Variants in EPB41L3 observed in about 807,000 individuals in gnomAD.
The protein encoded by EPB41L3 is erythrocyte membrane protein band 4.1 like 3.
In EPB41L3, 57 loss-of-function variants were observed where a neutral mutation model predicts 127.1. That is an observed-to-expected ratio of 0.45 (90% CI 0.36 to 0.56). The LOEUF is 0.56. Ranked by LOEUF, EPB41L3 falls within the 20% of genes least tolerant of loss-of-function variation. EPB41L3 has a pLI of 0.00. For synonymous variants in EPB41L3, 572 were observed against 549.5 expected, an observed-to-expected ratio of 1.04 and a Z score of -0.57; for missense variants, 1,273 against 1,372.2, an observed-to-expected ratio of 0.93 and a Z score of 1.14.
At chr18:5,423,647 C>T (rs939790091) in intron 10 of EPB41L3, 94 bp from the exon 11 acceptor site, 4 of 1,133,622 alleles carry the variant, frequency 3.5e-6, no homozygotes, top group Non-Finnish European at 4.9e-6. Context: ...ATGTGTTTTG[C>T]ATGCTAAACA....
chr18:5,527,300 G>A (rs2093259703), intron 1 of EPB41L3, among the ~76,000 whole-genome samples: 1 of 152,100 alleles, frequency 6.6e-6, no homozygotes, highest in South Asian at 2.1e-4. Flanking sequence ...AGTCAGCACA[G>A]GCAAGCTCTT....
chr18:5,472,809 C>CAGGCAGAGTATT (rs1281558289), intron 3 of EPB41L3, among the ~76,000 whole-genome samples: 1 of 152,184 alleles, frequency 6.6e-6, no homozygotes, highest in African/African-American at 2.4e-5. Context: ...AACTGAATCA[C>CAGGCAGAGTATT]AGGCAAGACA....
chr18:5,510,534 A>C (rs2092458586), intron 1 of EPB41L3, among the ~76,000 whole-genome samples: 1 of 152,204 alleles, frequency 6.6e-6, no homozygotes, highest in East Asian at 1.9e-4. Flanking sequence ...ATCAGAACAA[A>C]CCAGTAGTTC....
intron 13 of EPB41L3, among the ~76,000 whole-genome samples, chr18:5,411,996 G>C (rs965343630): frequency 6.6e-6 from 1 of 152,096 alleles, no homozygotes; most frequent in Non-Finnish European, 1.5e-5. Flanking sequence ...TGACCTGACC[G>C]GCTTGGTTAA....
intron 1 of EPB41L3, among the ~76,000 whole-genome samples, chr18:5,533,891 G>A (rs1200735333): frequency 1.3e-5 from 2 of 152,180 alleles, no homozygotes; most frequent in African/African-American, 2.4e-5. Flanking sequence ...AAGGCCGGGC[G>A]CCGTGGCTGA....
chr18:5,582,585 G>A (rs182377085), intron 3 of EPB41L3, among the ~76,000 whole-genome samples: 50 of 152,214 alleles, frequency 3.3e-4, no homozygotes, highest in Admixed American at 4.6e-4. Context: ...AATGAAACTT[G>A]GTATTTTTTA....
chr18:5,588,114 A>G (rs1462279703), intron 3 of EPB41L3, among the ~76,000 whole-genome samples: 1 of 152,192 alleles, frequency 6.6e-6, no homozygotes, highest in Non-Finnish European at 1.5e-5. Flanking sequence ...AATTAAAATA[A>G]TAAATCTAAC....
intron 3 of EPB41L3, among the ~76,000 whole-genome samples, chr18:5,569,922 CTATT>C (rs1210714602): frequency 1.3e-5 from 2 of 152,230 alleles, no homozygotes; most frequent in South Asian, 2.1e-4. Flanking sequence ...TAAATGTTAG[CTATT>C]TATGTATCAA....
chr18:5,607,192 C>T (rs982659786), intron 3 of EPB41L3, among the ~76,000 whole-genome samples: 7 of 152,194 alleles, frequency 4.6e-5, no homozygotes, highest in Admixed American at 2.6e-4. Flanking sequence ...AAAGCAAGAG[C>T]GAGGCATGGT....
At position 5,447,361 on chromosome 18, in the gene EPB41L3, GGT is replaced by G. The variant is rs759344207; in HGVS notation, c.382-2119_382-2118del. On this transcript the variant is annotated intron_variant, in intron 3 of 22. Transcript: ENST00000341928. ...TAGGAGCACATATCCAACTCCTGGTGGTGCCAATAAGCAGCTTTATAATTAAC... is the reference window on the plus strand; with the variant it reads ...TAGGAGCACATATCCAACTCCTGGTGGCCAATAAGCAGCTTTATAATTAAC... Among the ~76,000 whole-genome samples, 52 of 151,604 alleles carry G rather than the reference GGT, an allele frequency of 3.4e-4. 1 individual carries two copies. The highest frequency in any genetic ancestry group is 2.0e-4 in the Admixed American group (3 of 15,208).
At chr18:5,598,724 A>G (rs1250638464) in intron 3 of EPB41L3, among the ~76,000 whole-genome samples, 1 of 152,196 alleles carries the variant, frequency 6.6e-6, no homozygotes, top group African/African-American at 2.4e-5. Context: ...AGAGGCAGAA[A>G]AGCAGATGTC....
At chr18:5,473,336 C>T (rs2038685902) in intron 3 of EPB41L3, among the ~76,000 whole-genome samples, 1 of 151,972 alleles carries the variant, frequency 6.6e-6, no homozygotes, top group Admixed American at 6.6e-5. Context: ...TAACACCTAC[C>T]ACTCTTAGAG....
intron 3 of EPB41L3, among the ~76,000 whole-genome samples, chr18:5,469,353 G>T (rs2085638475): frequency 2.6e-5 from 4 of 152,240 alleles, no homozygotes; most frequent in Admixed American, 2.6e-4. Flanking sequence ...CACAGCAGAA[G>T]TTGTTTCCAG....
intron 1 of EPB41L3, among the ~76,000 whole-genome samples, chr18:5,626,237 C>A (rs528909132): frequency 5.2e-4 from 79 of 152,268 alleles, no homozygotes; most frequent in Middle Eastern, 6.8e-3. Context: ...ATCAGCCCTG[C>A]TTTTTCACAA....
At chr18:5,432,632 T>C (rs1426321926) in intron 8 of EPB41L3, among the ~76,000 whole-genome samples, 1 of 152,192 alleles carries the variant, frequency 6.6e-6, no homozygotes, top group Non-Finnish European at 1.5e-5. Context: ...CTAGTAGTCC[T>C]ATCTTCATTC....
chr18:5,577,641 A>G (rs1323308423), intron 3 of EPB41L3: 3 of 221,622 alleles, frequency 1.4e-5, no homozygotes, highest in Non-Finnish European at 2.7e-5. Context: ...GCTTCTCCGC[A>G]TGACTGTGCA....
chr18:5,434,664 C>T lies in EPB41L3; in HGVS notation c.606-543G>A, dbSNP rs562016941. ...ATGTCATAGCCTAACACATTACTCA[C>T]GCCTTTGTGGTGGTGCTGGTGTAAA... On this transcript the variant is annotated intron_variant, in intron 6 of 22. Coordinates refer to ENST00000341928, the MANE Select transcript of EPB41L3 (RefSeq NM_012307.5). Among the ~76,000 whole-genome samples, 9 of 152,304 alleles carry T rather than the reference C, an allele frequency of 5.9e-5. No individual in the cohort carries two copies. In the East Asian group the frequency reaches 9.6e-4, roughly 16 times the overall value.
At position 5,423,444 on chromosome 18, in the gene EPB41L3, G is replaced by A. The variant is rs2077731553; in HGVS notation, c.1273C>T (p.Arg425Cys). The A allele has an allele frequency of 1.2e-6, 2 of 1,613,758 alleles. No individual in the cohort carries two copies. The highest frequency in any genetic ancestry group is 1.1e-5 in the South Asian group (1 of 91,054). Reference sequence around the variant, plus strand: ...GAGCGTTCAAAGTAAGGTGCTGGGCGATCTATCAACGCACTGGCTCTTCTC... The same window carrying A: ...GAGCGTTCAAAGTAAGGTGCTGGGCAATCTATCAACGCACTGGCTCTTCTC... ...QTRRASALID[R>C]PAPYFERSSS... The change falls in exon 11 of 23, where the codon CGC (arginine) becomes TGC (cysteine). Residue 425 changes from arginine to cysteine, a missense_variant. This residue lies in a region of EPB41L3 where 326 missense variants were observed against 440.2 expected (regional missense o/e 0.74). Coordinates refer to ENST00000341928, the MANE Select transcript of EPB41L3 (RefSeq NM_012307.5).
intron 3 of EPB41L3, among the ~76,000 whole-genome samples, chr18:5,580,057 C>T (rs1028503061): frequency 2.6e-4 from 39 of 152,118 alleles, no homozygotes; most frequent in Non-Finnish European, 5.6e-4. Context: ...TCCACAAGGT[C>T]ATACAATTAT....
Sources: allele counts gnomAD v4.1 joint callset (sites outside exome capture counted in the v4.1 genomes callset), GRCh38; gene constraint gnomAD v4.1.1; regional missense constraint gnomAD v4.1.1; transcripts MANE v1.5; gene names NCBI Gene and HGNC (gene_info 2026-07-23, HGNC 2026-07-21).